The following MAGI1 variants were observed in gnomAD, a reference collection of about 807,000 sequenced individuals.
MAGI1 encodes membrane-associated guanylate kinase, WW and PDZ domain-containing protein 1.
MAGI1 carries 58 observed loss-of-function variants against 139.9 expected under a neutral mutation model. The observed-to-expected ratio is 0.41, with a 90% CI of 0.34 to 0.52. The LOEUF (loss-of-function observed/expected upper bound fraction) is 0.52. MAGI1 is among the 20% of genes least tolerant of loss of function. The pLI is 0.12. For missense variants in MAGI1, 1,874 were observed against 1,901.6 expected, an observed-to-expected ratio of 0.99 and a Z score of 0.27; for synonymous variants, 812 against 737.9, an observed-to-expected ratio of 1.10 and a Z score of -1.63.
chr3:65,829,573 A>G (rs2042415543), intron 1 of MAGI1, among the ~76,000 whole-genome samples: 2 of 152,210 alleles, frequency 1.3e-5, no homozygotes, highest in South Asian at 4.1e-4. Context: ...CAGAAGTGTG[A>G]GCAATAAATT....
chr3:65,552,830 A>T (rs931560278), intron 2 of MAGI1, among the ~76,000 whole-genome samples: 1 of 152,202 alleles, frequency 6.6e-6, no homozygotes, highest in Admixed American at 6.5e-5. Flanking sequence ...CTTCAACCAG[A>T]TGCATGTGTT....
At chr3:65,440,726 A>G (rs1004143722) in intron 8 of MAGI1, among the ~76,000 whole-genome samples, 4 of 152,030 alleles carry the variant, frequency 2.6e-5, no homozygotes, top group African/African-American at 9.7e-5. Flanking sequence ...ACCTAAGTAG[A>G]TGTGATGTGC....
intron 4 of MAGI1, among the ~76,000 whole-genome samples, chr3:65,474,467 C>A (rs541022822): frequency 2.0e-5 from 3 of 152,268 alleles, no homozygotes; most frequent in African/African-American, 2.4e-5. Flanking sequence ...TTCTCATCTG[C>A]AAAACTGGGA....
At chr3:65,506,899 T>C (rs1432404388) in intron 2 of MAGI1, among the ~76,000 whole-genome samples, 1 of 152,228 alleles carries the variant, frequency 6.6e-6, no homozygotes, top group Non-Finnish European at 1.5e-5. Context: ...AAGGAGTTTA[T>C]GCCCATTTAA....
At chr3:65,401,347 T>G in intron 13 of MAGI1, 92 bp downstream of exon 13, 1 of 1,468,830 alleles carries the variant, frequency 6.8e-7, no homozygotes. Context: ...ACACATTTAG[T>G]GAAGTGAAGC....
chr3:65,390,052 C>G (rs542469550), intron 14 of MAGI1, among the ~76,000 whole-genome samples: 9 of 152,316 alleles, frequency 5.9e-5, no homozygotes, highest in African/African-American at 2.2e-4. Context: ...AGTCGACTTT[C>G]AGCATGCACC....
intron 1 of MAGI1, among the ~76,000 whole-genome samples, chr3:65,816,139 T>G (rs747254966): frequency 2.0e-5 from 3 of 152,140 alleles, no homozygotes; most frequent in Non-Finnish European, 4.4e-5. Flanking sequence ...CTAATTGGCA[T>G]TTTCAAACAC....
intron 18 of MAGI1, among the ~76,000 whole-genome samples, chr3:65,369,923 G>A (rs981131951): frequency 6.6e-6 from 1 of 152,072 alleles, no homozygotes; most frequent in Admixed American, 6.5e-5. Context: ...GTAAATATTC[G>A]AGTAAAAAAT....
chr3:65,883,391 T>A (rs1300613076), intron 1 of MAGI1, among the ~76,000 whole-genome samples: 1 of 152,044 alleles, frequency 6.6e-6, no homozygotes, highest in Non-Finnish European at 1.5e-5. Context: ...AACGCAACCC[T>A]CAAGAATAAA....
intron 1 of MAGI1, among the ~76,000 whole-genome samples, chr3:65,836,542 C>T (rs368143259): frequency 2.7e-4 from 41 of 152,170 alleles, no homozygotes; most frequent in African/African-American, 9.9e-4. Flanking sequence ...GGAAAGAGGC[C>T]GGGCGCGGTG....
intron 9 of MAGI1, 117 bp downstream of exon 9, chr3:65,439,762 G>T (rs1575749277): frequency 1.3e-6 from 2 of 1,558,776 alleles, no homozygotes; most frequent in Non-Finnish European, 1.7e-6. Context: ...CAGCTCTTCA[G>T]TGTGGCAAGA....
At chr3:66,012,317 A>T (rs2060024) in intron 1 of MAGI1, among the ~76,000 whole-genome samples, 119,338 of 152,096 alleles carry the variant, frequency 0.78, 47,015 homozygotes, top group East Asian at 0.88. Context: ...TCCACTCAAC[A>T]TGAATAATAC....
At chr3:65,955,904 G>A (rs939222788) in intron 1 of MAGI1, among the ~76,000 whole-genome samples, 3 of 151,930 alleles carry the variant, frequency 2.0e-5, no homozygotes, top group East Asian at 1.9e-4. Flanking sequence ...GTAGATAAAC[G>A]AAAAGCAAAA....
At chr3:65,583,855 G>A (rs966868617) in intron 2 of MAGI1, among the ~76,000 whole-genome samples, 1 of 152,090 alleles carries the variant, frequency 6.6e-6, no homozygotes, top group Non-Finnish European at 1.5e-5. Flanking sequence ...TCTATACTAA[G>A]AAAAGCTCTG....
At chr3:65,698,595 T>C (rs2089376203) in intron 1 of MAGI1, among the ~76,000 whole-genome samples, 1 of 152,118 alleles carries the variant, frequency 6.6e-6, no homozygotes, top group African/African-American at 2.4e-5. Context: ...ATCTGATCTT[T>C]GACAAACCTG....
At chr3:65,488,917 C>G (rs994211250) in intron 3 of MAGI1, among the ~76,000 whole-genome samples, 1 of 152,172 alleles carries the variant, frequency 6.6e-6, no homozygotes, top group Non-Finnish European at 1.5e-5. Flanking sequence ...AAGCAATCCT[C>G]CCACCTCAGC....
At chr3:65,685,940 C>T (rs1342607100) in intron 1 of MAGI1, among the ~76,000 whole-genome samples, 1 of 152,156 alleles carries the variant, frequency 6.6e-6, no homozygotes, top group African/African-American at 2.4e-5. Flanking sequence ...TCTTCACAGG[C>T]CTCCACTTAA....
chr3:65,364,554 A>G (rs1020129195), intron 20 of MAGI1, 111 bp downstream of exon 20: 47 of 901,560 alleles, frequency 5.2e-5, no homozygotes, highest in Non-Finnish European at 8.4e-5. Flanking sequence ...ACCTCACAAA[A>G]GGTTATTTCT....
chr3:65,418,206 T>C (rs1287899547), intron 12 of MAGI1, among the ~76,000 whole-genome samples: 1 of 152,136 alleles, frequency 6.6e-6, no homozygotes, highest in Non-Finnish European at 1.5e-5. Flanking sequence ...TCACCTATTA[T>C]CCAAATATGT....
Sources: allele counts gnomAD v4.1 joint callset (sites outside exome capture counted in the v4.1 genomes callset), GRCh38; gene constraint gnomAD v4.1.1; transcripts MANE v1.5; gene names NCBI Gene and HGNC (gene_info 2026-07-23, HGNC 2026-07-21).